Variants in WDPCP observed in about 807,000 individuals in gnomAD.
The protein encoded by WDPCP is WD repeat containing planar cell polarity effector.
Under a neutral mutation model 93.1 loss-of-function variants are expected in WDPCP, and 71 were observed. The ratio of observed to expected loss-of-function variants is 0.76; its 90% CI spans 0.63 to 0.93. WDPCP has a LOEUF of 0.93. Among genes scored for constraint, WDPCP ranks in the 40% least tolerant of loss-of-function variants. The pLI is 0.00. For synonymous variants in WDPCP, 315 were observed against 315.0 expected (o/e 1.00, Z 0.00); for missense variants, 844 against 887.4 (o/e 0.95, Z 0.62).
chr2:63,730,946 GAA>G (rs111256921), intron 2 of WDPCP, among the ~76,000 whole-genome samples: 2 of 144,150 alleles, frequency 1.4e-5, no homozygotes, highest in African/African-American at 2.5e-5. Flanking sequence ...CCAAGTACAT[GAA>G]AAAAAAAAAA....
At chr2:63,752,457 T>G (rs563970538) in intron 2 of WDPCP, 2 of 780,916 alleles carry the variant, frequency 2.6e-6, no homozygotes, top group Non-Finnish European at 4.5e-6. Flanking sequence ...GTGGCATAGG[T>G]GACAAACCCA....
At chr2:63,288,394 A>G (rs1304081917) in intron 13 of WDPCP, among the ~76,000 whole-genome samples, 5 of 152,230 alleles carry the variant, frequency 3.3e-5, no homozygotes, top group African/African-American at 1.2e-4. Flanking sequence ...ATAATGTCCT[A>G]AAGACAAAGA....
chr2:63,593,981 C>A (rs1446537626), intron 3 of WDPCP, among the ~76,000 whole-genome samples: 7 of 152,086 alleles, frequency 4.6e-5, no homozygotes, highest in Admixed American at 4.6e-4. Flanking sequence ...GTTGTTTCTC[C>A]CGAAATAAAA....
chr2:63,568,253 G>A (rs554938081), intron 1 of WDPCP, among the ~76,000 whole-genome samples: 1 of 151,204 alleles, frequency 6.6e-6, no homozygotes, highest in South Asian at 2.1e-4. Flanking sequence ...ATGCCTTCTA[G>A]AATAAAAGGA....
chr2:63,782,077 G>A (rs1318712019), intron 2 of WDPCP, among the ~76,000 whole-genome samples: 1 of 152,098 alleles, frequency 6.6e-6, no homozygotes, highest in African/African-American at 2.4e-5. Context: ...CTGCAGCTAA[G>A]TATCACTTTC....
At chr2:63,403,835 A>G (rs145400048) in intron 10 of WDPCP, 23 of 615,096 alleles carry the variant, frequency 3.7e-5, no homozygotes, top group African/African-American at 3.5e-4. Flanking sequence ...CATGATTGAC[A>G]ATTAGTGCAA....
chr2:63,691,693 C>T (rs1356763201), intron 2 of WDPCP, among the ~76,000 whole-genome samples: 1 of 151,784 alleles, frequency 6.6e-6, no homozygotes, highest in African/African-American at 2.4e-5. Context: ...TAACTGAAAC[C>T]AGCTGAGACT....
At chr2:63,141,413 C>G (rs1354691075) in intron 17 of WDPCP, among the ~76,000 whole-genome samples, 1 of 152,164 alleles carries the variant, frequency 6.6e-6, no homozygotes, top group Non-Finnish European at 1.5e-5. Context: ...TGGTGTATCA[C>G]ATTTATTGGC....
chr2:63,257,178 T>G (rs983889467), intron 14 of WDPCP, among the ~76,000 whole-genome samples: 2 of 152,180 alleles, frequency 1.3e-5, no homozygotes, highest in Non-Finnish European at 2.9e-5. Flanking sequence ...TGTCTGATGC[T>G]TTTTTACAGA....
At chr2:63,679,886 A>G (rs1710470923) in intron 2 of WDPCP, among the ~76,000 whole-genome samples, 1 of 152,174 alleles carries the variant, frequency 6.6e-6, no homozygotes, top group South Asian at 2.1e-4. Flanking sequence ...TCTCACTGGT[A>G]GAGAGCTTTT....
chr2:63,403,972 G>C (rs755841665), intron 10 of WDPCP, 76 bp downstream of exon 10: 12 of 1,584,918 alleles, frequency 7.6e-6, no homozygotes, highest in Admixed American at 6.7e-5. Context: ...TACATTCTAA[G>C]AATAGTTTTA....
intron 2 of WDPCP, among the ~76,000 whole-genome samples, chr2:63,793,956 G>T (rs1250647473): frequency 6.6e-6 from 1 of 151,158 alleles, no homozygotes; most frequent in Non-Finnish European, 1.5e-5. Flanking sequence ...TAATTTTTAA[G>T]AAGTGATTAT....
At chr2:63,343,089 C>T (rs1292455042) in intron 12 of WDPCP, among the ~76,000 whole-genome samples, 1 of 152,168 alleles carries the variant, frequency 6.6e-6, no homozygotes, top group Non-Finnish European at 1.5e-5. Flanking sequence ...ACTGCACCCT[C>T]TGCCTCCCAG....
chr2:63,582,681 AACAG>A (rs1485839950), intron 1 of WDPCP, among the ~76,000 whole-genome samples: 5 of 152,186 alleles, frequency 3.3e-5, no homozygotes, highest in African/African-American at 1.2e-4. Flanking sequence ...GCCAGAGAAA[AACAG>A]ACACTTAAGT....
At chr2:63,258,982 A>C (rs974456937) in intron 14 of WDPCP, among the ~76,000 whole-genome samples, 1 of 152,180 alleles carries the variant, frequency 6.6e-6, no homozygotes, top group Non-Finnish European at 1.5e-5. Context: ...AGGATTATAT[A>C]AATTTCTGTG....
intron 1 of WDPCP, among the ~76,000 whole-genome samples, chr2:63,548,026 C>G (rs1363358606): frequency 6.6e-6 from 1 of 151,854 alleles, no homozygotes; most frequent in Non-Finnish European, 1.5e-5. Context: ...AAAATTATCA[C>G]ATACTCTGAA....
chr2:63,684,770 G>T (rs923076998), intron 2 of WDPCP: 3 of 542,304 alleles, frequency 5.5e-6, no homozygotes, highest in South Asian at 1.6e-5. Flanking sequence ...ATAGTAACAA[G>T]CATTTTCTCT....
At chr2:63,275,480 A>G (rs1683011808) in intron 13 of WDPCP, among the ~76,000 whole-genome samples, 2 of 152,216 alleles carry the variant, frequency 1.3e-5, no homozygotes, top group Non-Finnish European at 2.9e-5. Context: ...AAACAAAGTC[A>G]GATTTGCAGA....
chr2:63,132,806 T>C (rs918177822), intron 17 of WDPCP, among the ~76,000 whole-genome samples: 2 of 152,152 alleles, frequency 1.3e-5, no homozygotes, highest in Admixed American at 6.5e-5. Context: ...ATTTAAAACA[T>C]TGTTTGAAAA....
Sources: allele counts gnomAD v4.1 joint callset (sites outside exome capture counted in the v4.1 genomes callset), GRCh38; gene constraint gnomAD v4.1.1; transcripts MANE v1.5; gene names NCBI Gene and HGNC (gene_info 2026-07-23, HGNC 2026-07-21).